The following LEPR variants were observed in gnomAD, a reference collection of about 807,000 sequenced individuals.
LEPR encodes leptin receptor, also known as OB receptor.
In LEPR, 56 loss-of-function variants were observed where a neutral mutation model predicts 114.7. That is an observed-to-expected ratio of 0.49 (90% CI 0.39 to 0.61). The LOEUF (loss-of-function observed/expected upper bound fraction) is 0.61, where lower values mean the gene tolerates loss of function less well. LEPR is among the 20% of genes least tolerant of loss of function. LEPR has a pLI of 0.00. For synonymous variants in LEPR, 443 were observed against 461.4 expected (o/e 0.96, Z 0.51); for missense variants, 1,202 against 1,352.9 (o/e 0.89, Z 1.75).
Position 65,633,149 on chromosome 1 carries a change from C to T in LEPR, c.2674-3042C>T, listed in dbSNP as rs765150722. 4 of 1,579,708 alleles carry T rather than the reference C, an allele frequency of 2.5e-6. No individual in the cohort carries two copies. The highest frequency in any genetic ancestry group is 3.5e-6 in the Non-Finnish European group (4 of 1,151,130). ...CTTATTTTGTTTTATTTTATCTAAA[C>T]AGAGAACGGACATTCTTTGAAGTCT... On this transcript the variant is annotated intron_variant, in intron 19 of 19. Transcript: ENST00000349533. The surrounding 1 kb of genome is among the most constrained non-coding windows in gnomAD (Gnocchi z 4.1).
chr1:65,635,557 T>A (rs776077436), intron 19 of LEPR: 23 of 195,546 alleles, frequency 1.2e-4, no homozygotes, highest in Non-Finnish European at 2.0e-4. Flanking sequence ...CTACATATGA[T>A]ATTATTAGCT....
At position 65,601,588 on chromosome 1, in the gene LEPR, T is replaced by C. The variant is rs1240886891; in HGVS notation, c.1191T>C (p.Asn397=). 1.5e-5 allele frequency: 24 copies of C among 1,613,678 alleles called. No individual in the cohort carries two copies. Among genetic ancestry groups the C allele is most frequent in the Non-Finnish European group, 1.9e-5 (22 of 1,179,790 alleles). The change falls in exon 9 of 20, where the codon AAT becomes AAC. Residue 397 remains asparagine (N), a synonymous_variant. Coordinates refer to ENST00000349533, the MANE Select transcript of LEPR (RefSeq NM_002303.6). ...GCAAAGTTACTTTTTTCAATCTGAA[T>C]GAAACCAAACCTCGAGGAAAGTTTA... The part of the protein sequence containing the change: ...HVSKVTFFNL[N]ETKPRGKFTY...
intron 2 of LEPR, among the ~76,000 whole-genome samples, chr1:65,553,773 T>A (rs1008670884): frequency 2.6e-5 from 4 of 152,184 alleles, no homozygotes; most frequent in African/African-American, 9.7e-5. Flanking sequence ...ATCCTTTAAA[T>A]GAGAAGCGGC....
At chr1:65,517,571 A>G (rs983445286) in intron 2 of LEPR, among the ~76,000 whole-genome samples, 1 of 152,188 alleles carries the variant, frequency 6.6e-6, no homozygotes, top group Non-Finnish European at 1.5e-5. Flanking sequence ...TCTATTGCGG[A>G]TACTCAGTAA....
rs1356715224 is a variant in LEPR, at chr1:65,639,833, C to T, written c.*2818C>T. The T allele has an allele frequency of 1.3e-5, 2 of 152,102 alleles. No homozygotes were observed. The highest frequency in any genetic ancestry group is 2.9e-5 in the Non-Finnish European group (2 of 68,016). 9.4% of individuals were successfully genotyped at this position (152,102 alleles called of 1,614,324 possible). ...CAGGGTTTGCAGGATTACAGGATTTCTAACTTAAACCCCCAAGAACAATGA... is the reference window on the plus strand; with the variant it reads ...CAGGGTTTGCAGGATTACAGGATTTTTAACTTAAACCCCCAAGAACAATGA... On this transcript the variant is annotated 3_prime_UTR_variant, in exon 20 of 20. Coordinates refer to ENST00000349533, the MANE Select transcript of LEPR (RefSeq NM_002303.6).
intron 2 of LEPR, among the ~76,000 whole-genome samples, chr1:65,554,646 C>T (rs1652679634): frequency 6.6e-6 from 1 of 152,086 alleles, no homozygotes; most frequent in Admixed American, 6.6e-5. Flanking sequence ...TTGCTGGGCT[C>T]CATGGGGGTG....
chr1:65,596,149 G>C (rs1225556632), intron 6 of LEPR, among the ~76,000 whole-genome samples: 1 of 152,084 alleles, frequency 6.6e-6, no homozygotes, highest in Non-Finnish European at 1.5e-5. Context: ...GTTTAATAAA[G>C]TTAAGTGGGA....
intron 12 of LEPR, 117 bp downstream of exon 12, chr1:65,609,018 T>C (rs1444652899): frequency 5.3e-6 from 7 of 1,323,870 alleles, no homozygotes; most frequent in Non-Finnish European, 7.3e-6. Flanking sequence ...CTGTATTGTG[T>C]AGCTATTTTC....
At chr1:65,459,628 A>C (rs1057362602) in intron 2 of LEPR, among the ~76,000 whole-genome samples, 3 of 152,238 alleles carry the variant, frequency 2.0e-5, no homozygotes, top group Non-Finnish European at 2.9e-5. Context: ...CACAGGATCC[A>C]GCTCTGCCAT....
intron 2 of LEPR, among the ~76,000 whole-genome samples, chr1:65,462,970 C>A (rs1335252379): frequency 1.3e-5 from 2 of 152,196 alleles, no homozygotes; most frequent in South Asian, 2.1e-4. Flanking sequence ...ATGATAGTTT[C>A]TTTTGCTGTA....
At chr1:65,433,993 G>C in intron 2 of LEPR, 1 of 985,176 alleles carries the variant, frequency 1.0e-6, no homozygotes, top group Non-Finnish European at 1.2e-6. Context: ...TTCTAAGATG[G>C]CAATAATGAT....
intron 2 of LEPR, among the ~76,000 whole-genome samples, chr1:65,532,847 C>G (rs1358181314): frequency 6.6e-6 from 1 of 152,004 alleles, no homozygotes; most frequent in African/African-American, 2.4e-5. Context: ...GGAGCGACTG[C>G]TAATGAGGAA....
chr1:65,465,959 TG>T (rs751159930), intron 2 of LEPR, among the ~76,000 whole-genome samples: 17 of 152,366 alleles, frequency 1.1e-4, no homozygotes, highest in Admixed American at 2.0e-4. Context: ...AGCACACTGA[TG>T]GGTCTTGACT....
Position 65,596,475 on chromosome 1 carries a change from A to T in LEPR, c.731A>T (p.His244Leu). Residue 244 changes from histidine (H) to leucine (L), a missense_variant, in exon 7 of 20, where the codon CAT becomes CTT. Physicochemically the swap from His to Leu is moderately conservative, Grantham distance 99. Transcript: ENST00000349533. ...MVKPDPPLGL[H>L]MEITDDGNLK... ...AAGCCTGATCCACCATTAGGTTTGCATATGGAAATCACAGATGATGGTAAT... is the reference window on the plus strand; with the variant it reads ...AAGCCTGATCCACCATTAGGTTTGCTTATGGAAATCACAGATGATGGTAAT... 1 of 1,612,846 alleles carries T rather than the reference A, an allele frequency of 6.2e-7. No homozygotes were observed. The highest frequency in any genetic ancestry group is 8.5e-7 in the Non-Finnish European group (1 of 1,179,212).
chr1:65,506,989 T>TA (rs1375549574), intron 2 of LEPR, among the ~76,000 whole-genome samples: 3 of 152,144 alleles, frequency 2.0e-5, no homozygotes, highest in African/African-American at 7.2e-5. Context: ...TACTCTCTGT[T>TA]TCTATGAGTT....
chr1:65,554,334 C>T (rs1652654077), intron 2 of LEPR, among the ~76,000 whole-genome samples: 1 of 152,168 alleles, frequency 6.6e-6, no homozygotes, highest in Non-Finnish European at 1.5e-5. Flanking sequence ...AGGGAGAATG[C>T]TGTGTCCCAG....
intron 2 of LEPR, among the ~76,000 whole-genome samples, chr1:65,441,301 G>T (rs993006041): frequency 6.6e-6 from 1 of 152,166 alleles, no homozygotes; most frequent in Non-Finnish European, 1.5e-5. Context: ...TAGCAGAAGG[G>T]GTGGGGAGAG....
chr1:65,435,217 TTTCTTACTGTCC>T, intron 2 of LEPR: 1 of 985,410 alleles, frequency 1.0e-6, no homozygotes, highest in East Asian at 1.1e-4. Context: ...CTCATAGATT[TTTCTTACTGTCC>T]TAAGGAAGTC....
chr1:65,594,537 A>G (rs148769427), intron 6 of LEPR, among the ~76,000 whole-genome samples: 22 of 152,184 alleles, frequency 1.4e-4, no homozygotes, highest in African/African-American at 5.3e-4. Flanking sequence ...AGGTGAACAG[A>G]GACACCAGAT....
Sources: gnomAD v4.1 joint callset for allele counts (sites outside exome capture counted in the v4.1 genomes callset) on GRCh38, gnomAD v4.1.1 for gene constraint, Gnocchi (gnomAD v3.1) non-coding constraint, MANE v1.5 for transcripts, NCBI Gene and HGNC (gene_info 2026-07-23, HGNC 2026-07-21) for gene names.